The following RIMBP2 variants were observed in gnomAD, a reference collection of about 807,000 sequenced individuals.
RIMBP2 encodes the protein RIMS-binding protein 2.
RIMBP2 carries 48 observed loss-of-function variants against 118.6 expected under a neutral mutation model. That is an observed-to-expected ratio of 0.40 (90% CI 0.32 to 0.51). The LOEUF (loss-of-function observed/expected upper bound fraction) is 0.51. Among genes scored for constraint, RIMBP2 ranks in the 20% least tolerant of loss-of-function variants. The pLI is 0.41. For missense variants in RIMBP2, 1,551 were observed against 1,768.3 expected (o/e 0.88, Z 2.20); for synonymous variants, 762 against 742.9 (o/e 1.03, Z -0.42).
chr12:130,699,133 T>C (rs953410398), intron 1 of RIMBP2, among the ~76,000 whole-genome samples: 28 of 152,142 alleles, frequency 1.8e-4, no homozygotes, highest in Non-Finnish European at 3.8e-4. Context: ...GTTGGTGGGA[T>C]TGTAAACTAG....
At chr12:130,550,083 C>G (rs113144580) in intron 2 of RIMBP2, among the ~76,000 whole-genome samples, 2 of 152,104 alleles carry the variant, frequency 1.3e-5, no homozygotes, top group East Asian at 3.9e-4. Flanking sequence ...ACTGAGTACA[C>G]GCTGTTGATG....
intron 2 of RIMBP2, among the ~76,000 whole-genome samples, chr12:130,556,134 C>A (rs913750130): frequency 4.6e-5 from 7 of 152,134 alleles, no homozygotes; most frequent in Admixed American, 2.0e-4. Flanking sequence ...GTCAAGCAAA[C>A]CCGTGTTTTC....
At chr12:130,559,275 T>G (rs77870846) in intron 2 of RIMBP2, among the ~76,000 whole-genome samples, 1 of 152,194 alleles carries the variant, frequency 6.6e-6, no homozygotes, top group African/African-American at 2.4e-5. Flanking sequence ...TTCCACCTAA[T>G]AGATATTTTG....
chr12:130,518,740 C>T (rs1438200998), intron 2 of RIMBP2, among the ~76,000 whole-genome samples: 1 of 152,122 alleles, frequency 6.6e-6, no homozygotes, highest in Admixed American at 6.5e-5. Flanking sequence ...GGTACAGTAA[C>T]TACAAATAAG....
chr12:130,602,618 A>T (rs1245767762), intron 2 of RIMBP2, among the ~76,000 whole-genome samples: 5 of 152,094 alleles, frequency 3.3e-5, no homozygotes, highest in Admixed American at 2.6e-4. Context: ...CTTTTGCTTG[A>T]CTTTTTTGGT....
intron 2 of RIMBP2, among the ~76,000 whole-genome samples, chr12:130,561,816 CTT>C (rs1315941364): frequency 1.3e-5 from 2 of 152,274 alleles, no homozygotes; most frequent in East Asian, 3.9e-4. Flanking sequence ...CCACACAACT[CTT>C]TTGCTGCACA....
At chr12:130,546,693 G>A (rs2055209147) in intron 2 of RIMBP2, among the ~76,000 whole-genome samples, 1 of 152,190 alleles carries the variant, frequency 6.6e-6, no homozygotes, top group African/African-American at 2.4e-5. Flanking sequence ...AATCTCCCAT[G>A]TCTAGAAGAA....
intron 6 of RIMBP2, 67 bp downstream of exon 6, chr12:130,470,626 C>T: frequency 1.2e-6 from 1 of 864,876 alleles, no homozygotes; most frequent in Non-Finnish European, 1.5e-6. Context: ...TTATTTCTAG[C>T]AGGCATCAGG....
At chr12:130,478,387 G>A (rs993965797) in intron 5 of RIMBP2, among the ~76,000 whole-genome samples, 18 of 152,140 alleles carry the variant, frequency 1.2e-4, no homozygotes, top group Non-Finnish European at 2.9e-5. Context: ...ATCACACGGC[G>A]CCTGGTGTGG....
At chr12:130,551,882 C>A (rs916636996) in intron 2 of RIMBP2, among the ~76,000 whole-genome samples, 3 of 152,186 alleles carry the variant, frequency 2.0e-5, no homozygotes, top group Non-Finnish European at 4.4e-5. Flanking sequence ...CCCAAGTCAC[C>A]ATGTAGTCTT....
At chr12:130,493,131 A>G (rs902272102) in intron 4 of RIMBP2, among the ~76,000 whole-genome samples, 14 of 151,988 alleles carry the variant, frequency 9.2e-5, no homozygotes, top group Admixed American at 5.2e-4. Flanking sequence ...GTGAGATCGT[A>G]GCTCAAAAAA....
At chr12:130,430,241 C>A (rs570182171) in intron 14 of RIMBP2, 1 of 152,358 alleles carries the variant, frequency 6.6e-6, no homozygotes, top group African/African-American at 2.4e-5. Context: ...TTGGTGGGTG[C>A]CTTCTCCTAG....
chr12:130,498,235 G>A (rs2049382050), intron 4 of RIMBP2, among the ~76,000 whole-genome samples: 1 of 152,132 alleles, frequency 6.6e-6, no homozygotes, highest in Non-Finnish European at 1.5e-5. Context: ...GCCTCTGGCT[G>A]CTTAGTCATT....
chr12:130,399,876 G>C, intron 21 of RIMBP2, 63 bp from the exon 22 acceptor site: 2 of 1,574,684 alleles, frequency 1.3e-6, no homozygotes, highest in South Asian at 2.2e-5. Context: ...ATCTTGCTTT[G>C]GCTAAAGGAA....
chr12:130,520,439 C>A (rs2051962254), intron 2 of RIMBP2, among the ~76,000 whole-genome samples: 1 of 151,948 alleles, frequency 6.6e-6, no homozygotes, highest in Non-Finnish European at 1.5e-5. Flanking sequence ...CCAAGGAGGG[C>A]AGATCACCTG....
intron 17 of RIMBP2, among the ~76,000 whole-genome samples, chr12:130,418,423 T>C (rs2076226073): frequency 1.3e-5 from 2 of 152,202 alleles, no homozygotes; most frequent in Admixed American, 1.3e-4. Context: ...CAGCCCCTGC[T>C]CACACCCAGG....
At chr12:130,488,464 A>G (rs562279512) in intron 4 of RIMBP2, among the ~76,000 whole-genome samples, 2 of 151,734 alleles carry the variant, frequency 1.3e-5, no homozygotes, top group East Asian at 1.9e-4. Flanking sequence ...AGGTCTACGA[A>G]CCAGCCAAAA....
chr12:130,570,106 C>T (rs1172288591), intron 2 of RIMBP2, among the ~76,000 whole-genome samples: 3 of 152,202 alleles, frequency 2.0e-5, no homozygotes, highest in South Asian at 2.1e-4. Context: ...ACTCTCTTTC[C>T]TCTCTCTCTG....
At chr12:130,618,323 G>A (rs925319279) in intron 2 of RIMBP2, among the ~76,000 whole-genome samples, 3 of 152,030 alleles carry the variant, frequency 2.0e-5, no homozygotes, top group Non-Finnish European at 4.4e-5. Context: ...AAGGTTACAC[G>A]TGTTAATTAA....
Sources: allele counts gnomAD v4.1 joint callset (sites outside exome capture counted in the v4.1 genomes callset), GRCh38; gene constraint gnomAD v4.1.1; transcripts MANE v1.5; gene names NCBI Gene and HGNC (gene_info 2026-07-23, HGNC 2026-07-21).